The following PDE1C variants were observed in gnomAD, a reference collection of about 807,000 sequenced individuals.
PDE1C encodes the protein phosphodiesterase 1C.
In PDE1C, 62 loss-of-function variants were observed where a neutral mutation model predicts 93.1. The observed-to-expected ratio is 0.67, with a 90% CI of 0.54 to 0.82. PDE1C has a LOEUF of 0.82. Ranked by LOEUF, PDE1C falls within the 40% of genes least tolerant of loss-of-function variation. The pLI is 0.00. For synonymous variants in PDE1C, 325 were observed against 310.1 expected (o/e 1.05, Z -0.50); for missense variants, 742 against 884.6 (o/e 0.84, Z 2.04).
chr7:32,285,487 A>C (rs1174960495), intron 1 of PDE1C, among the ~76,000 whole-genome samples: 2 of 152,184 alleles, frequency 1.3e-5, no homozygotes, highest in Non-Finnish European at 2.9e-5. Context: ...ACAAATGTAT[A>C]TGTTCACATA....
intron 15 of PDE1C, among the ~76,000 whole-genome samples, chr7:31,815,523 A>C (rs1788127128): frequency 6.6e-6 from 1 of 152,168 alleles, no homozygotes; most frequent in Non-Finnish European, 1.5e-5. Context: ...GATATCTATT[A>C]CAGGAAAAGG....
intron 2 of PDE1C, among the ~76,000 whole-genome samples, chr7:31,977,275 A>G (rs75015387): frequency 0.011 from 1,627 of 152,244 alleles, 26 homozygotes; most frequent in African/African-American, 0.037. Flanking sequence ...CCCTCTCAGC[A>G]TTTGATGCCC....
At chr7:31,835,849 G>GCA (rs369911922) in intron 11 of PDE1C, among the ~76,000 whole-genome samples, 5 of 150,716 alleles carry the variant, frequency 3.3e-5, no homozygotes, top group South Asian at 2.1e-4. Context: ...ACACACACAG[G>GCA]CACACACACA....
intron 1 of PDE1C, among the ~76,000 whole-genome samples, chr7:32,426,135 T>C (rs934537480): frequency 6.6e-6 from 1 of 152,198 alleles, no homozygotes; most frequent in Non-Finnish European, 1.5e-5. Context: ...AAACTAAATA[T>C]GTATCTGCAC....
At chr7:31,765,714 A>G (rs1178561684) in intron 17 of PDE1C, among the ~76,000 whole-genome samples, 1 of 152,224 alleles carries the variant, frequency 6.6e-6, no homozygotes, top group African/African-American at 2.4e-5. Flanking sequence ...ACAGTTGCAG[A>G]GAGAACACTT....
chr7:32,083,947 C>A (rs902759471), intron 3 of PDE1C, among the ~76,000 whole-genome samples: 29 of 149,824 alleles, frequency 1.9e-4, no homozygotes, highest in Admixed American at 1.8e-3. Context: ...CATCAACTAA[C>A]GAGCAAAATA....
At chr7:31,692,311 A>G in the PDE1C span, 1 of 714,734 alleles carries the variant, frequency 1.4e-6, no homozygotes. Context: ...TGGGAACACA[A>G]TAGCAGGTGC....
At chr7:32,207,737 A>G (rs1420038051) in intron 2 of PDE1C, among the ~76,000 whole-genome samples, 1 of 152,202 alleles carries the variant, frequency 6.6e-6, no homozygotes, top group East Asian at 1.9e-4. Flanking sequence ...TTGAAGACAC[A>G]TCATCCTTTC....
At chr7:32,034,979 T>A (rs527310372) in intron 2 of PDE1C, among the ~76,000 whole-genome samples, 1 of 152,198 alleles carries the variant, frequency 6.6e-6, no homozygotes, top group African/African-American at 2.4e-5. Context: ...ATTATGGCTA[T>A]TTTTATTATT....
intron 2 of PDE1C, among the ~76,000 whole-genome samples, chr7:31,998,010 T>TTTA (rs372231310): frequency 1.3e-5 from 2 of 148,762 alleles, no homozygotes; most frequent in East Asian, 2.0e-4. Context: ...TTTATTTTAT[T>TTTA]TTTATTTATT....
intron 16 of PDE1C, chr7:31,789,354 A>T (rs1006640778): frequency 3.9e-5 from 6 of 152,226 alleles, no homozygotes; most frequent in African/African-American, 1.2e-4. Context: ...ATTATCTGCC[A>T]TATCTCCCTG....
the PDE1C span, among the ~76,000 whole-genome samples, chr7:31,717,670 A>C: frequency 6.6e-6 from 1 of 152,256 alleles, no homozygotes; most frequent in Non-Finnish European, 1.5e-5. Flanking sequence ...CCAAAAATTA[A>C]GCAGGTTCTC....
At chr7:32,037,266 A>C (rs1584546030) in intron 2 of PDE1C, among the ~76,000 whole-genome samples, 1 of 152,102 alleles carries the variant, frequency 6.6e-6, no homozygotes, top group East Asian at 1.9e-4. Context: ...GCATGTTCTC[A>C]AGTAGAGAAA....
At chr7:32,180,512 A>G (rs550258227) in intron 2 of PDE1C, among the ~76,000 whole-genome samples, 9 of 152,156 alleles carry the variant, frequency 5.9e-5, no homozygotes, top group Non-Finnish European at 1.3e-4. Flanking sequence ...CCCTTCCATC[A>G]TGTGAGGACA....
At chr7:31,671,678 C>T in the PDE1C span, among the ~76,000 whole-genome samples, 3 of 152,134 alleles carry the variant, frequency 2.0e-5, no homozygotes, top group African/African-American at 4.8e-5. Context: ...CCCTCTCCAC[C>T]TAAGTCCACC....
chr7:32,410,974 A>C (rs1238709111), intron 1 of PDE1C, among the ~76,000 whole-genome samples: 3 of 152,238 alleles, frequency 2.0e-5, no homozygotes, highest in Non-Finnish European at 4.4e-5. Flanking sequence ...GTTTCCTACC[A>C]GGAACCTAAC....
At chr7:32,172,204 A>G (rs967524350) in intron 2 of PDE1C, among the ~76,000 whole-genome samples, 10 of 152,086 alleles carry the variant, frequency 6.6e-5, no homozygotes, top group African/African-American at 2.4e-4. Flanking sequence ...CCCAGATAAA[A>G]GAAAAATTTT....
chr7:32,336,968 C>T (rs1783637836), intron 1 of PDE1C, among the ~76,000 whole-genome samples: 1 of 152,152 alleles, frequency 6.6e-6, no homozygotes, highest in Non-Finnish European at 1.5e-5. Flanking sequence ...CTACACAGGT[C>T]CTGAGTCATC....
rs143696733 is a variant in PDE1C, at chr7:32,306,214, C to T, written c.311-96675G>A. Among the ~76,000 whole-genome samples, 854 of 152,250 alleles carry T rather than the reference C, an allele frequency of 5.6e-3. 6 individuals carry two copies. Among genetic ancestry groups the T allele is most frequent in the African/African-American group, 0.02 (819 of 41,532 alleles). On this transcript the variant is annotated intron_variant, in intron 1 of 1. Coordinates refer to the PDE1C transcript ENST00000672256. Reference sequence around the variant, plus strand: ...AACCTCTTTTTCTTTATAAATTACTCAGTCTTGGGTATGTCTTTATCAGCA... The same window carrying T: ...AACCTCTTTTTCTTTATAAATTACTTAGTCTTGGGTATGTCTTTATCAGCA...
Sources: gnomAD v4.1 joint callset for allele counts (sites outside exome capture counted in the v4.1 genomes callset) on GRCh38, gnomAD v4.1.1 for gene constraint, MANE v1.5 for transcripts, NCBI Gene and HGNC (gene_info 2026-07-23, HGNC 2026-07-21) for gene names.